BMP6: variants seen among roughly 807,000 people sequenced by gnomAD.
BMP6 encodes VG-1-R.
In BMP6, 17 loss-of-function variants were observed where a neutral mutation model predicts 54.1. The observed-to-expected ratio is 0.31, with a 90% CI of 0.22 to 0.47. The LOEUF (loss-of-function observed/expected upper bound fraction) is 0.47. Among genes scored for constraint, BMP6 ranks in the 20% least tolerant of loss-of-function variants. The pLI is 1.00. For synonymous variants in BMP6, 328 were observed against 291.2 expected, an observed-to-expected ratio of 1.13 and a Z score of -1.28; for missense variants, 720 against 690.4, an observed-to-expected ratio of 1.04 and a Z score of -0.48.
At chr6:7,819,734 T>C (rs950021312) in intron 1 of BMP6, among the ~76,000 whole-genome samples, 4 of 152,220 alleles carry the variant, frequency 2.6e-5, no homozygotes, top group Non-Finnish European at 5.9e-5. Flanking sequence ...GTGAAGATGG[T>C]CTTTAAATCC....
intron 1 of BMP6, among the ~76,000 whole-genome samples, chr6:7,824,016 T>C (rs946086848): frequency 6.6e-6 from 1 of 152,078 alleles, no homozygotes; most frequent in African/African-American, 2.4e-5. Flanking sequence ...AGGGGCAAAG[T>C]AGAACGAAAA....
At chr6:7,800,879 T>C (rs6923462) in intron 1 of BMP6, among the ~76,000 whole-genome samples, 28,032 of 147,534 alleles carry the variant, frequency 0.19, 3,075 homozygotes, top group African/African-American at 0.3. Context: ...AGGGTTAGGT[T>C]TTCAGGCTGT....
chr6:7,805,231 C>T (rs75155902), intron 1 of BMP6, among the ~76,000 whole-genome samples: 2,245 of 152,284 alleles, frequency 0.015, 56 homozygotes, highest in African/African-American at 0.05. Context: ...GGTTGCTCAT[C>T]TTTCATCTTT....
intron 1 of BMP6, among the ~76,000 whole-genome samples, chr6:7,766,462 TA>T (rs1757689779): frequency 1.3e-5 from 2 of 151,872 alleles, no homozygotes; most frequent in South Asian, 4.2e-4. Flanking sequence ...AAAATGTTTT[TA>T]AAAAATTAAC....
chr6:7,740,874 A>T (rs1393436266), intron 1 of BMP6, among the ~76,000 whole-genome samples: 1 of 152,056 alleles, frequency 6.6e-6, no homozygotes, highest in Non-Finnish European at 1.5e-5. Context: ...GTTGGCCTTG[A>T]CTTTTGCACT....
chr6:7,739,267 G>A (rs750531069), intron 1 of BMP6, among the ~76,000 whole-genome samples: 2 of 152,186 alleles, frequency 1.3e-5, no homozygotes, highest in Non-Finnish European at 2.9e-5. Context: ...CTGTGTTTCT[G>A]TTTTAAATTT....
intron 1 of BMP6, among the ~76,000 whole-genome samples, chr6:7,804,299 ACT>A (rs1758314560): frequency 1.3e-5 from 2 of 149,844 alleles, no homozygotes; most frequent in African/African-American, 4.9e-5. Flanking sequence ...TTTTTTTTAA[ACT>A]CTCACTTAAA....
intron 1 of BMP6, among the ~76,000 whole-genome samples, chr6:7,830,149 C>T (rs115049083): frequency 0.021 from 3,245 of 152,118 alleles, 49 homozygotes; most frequent in Middle Eastern, 0.075. Flanking sequence ...AAGAGCACCC[C>T]CCCTCTCTCT....
rs554181861 is a variant in BMP6 at position 7,881,397 on chromosome 6, TTAAA to T, written c.*1058_*1061del. The T allele has an allele frequency of 1.8e-3, 268 of 152,778 alleles. 1 individual carries two copies. The highest frequency in any genetic ancestry group is 7.3e-3 in the East Asian group (38 of 5,194). 9.5% of individuals were successfully genotyped at this position (152,778 alleles called of 1,614,324 possible). ...GGAAGGCAATTTCATACTAAACTGA[TTAAA>T]TAATACATTTATAATCTACAACTGT... On this transcript the variant is annotated 3_prime_UTR_variant, in exon 7 of 7. Coordinates refer to ENST00000283147, the MANE Select transcript of BMP6 (RefSeq NM_001718.6).
chr6:7,739,775 A>G (rs778670443), intron 1 of BMP6, among the ~76,000 whole-genome samples: 13 of 152,112 alleles, frequency 8.5e-5, no homozygotes, highest in Non-Finnish European at 1.5e-4. Context: ...ATCTGCTGAA[A>G]GTGTTTCGTT....
At chr6:7,804,689 A>G (rs1758321821) in intron 1 of BMP6, among the ~76,000 whole-genome samples, 1 of 152,188 alleles carries the variant, frequency 6.6e-6, no homozygotes, top group Non-Finnish European at 1.5e-5. Flanking sequence ...GCTGGGTTTG[A>G]AGAATACACA....
intron 1 of BMP6, among the ~76,000 whole-genome samples, chr6:7,784,530 C>T (rs1757995341): frequency 6.6e-6 from 1 of 152,098 alleles, no homozygotes. Flanking sequence ...TAAAGCTTCT[C>T]TGTGCCAGGA....
chr6:7,828,424 A>G (rs1395045249), intron 1 of BMP6, among the ~76,000 whole-genome samples: 2 of 152,196 alleles, frequency 1.3e-5, no homozygotes, highest in African/African-American at 2.4e-5. Context: ...GTATTTTTCC[A>G]TTCTCTTGTT....
Position 7,862,489 on chromosome 6 carries a change from A to C in BMP6, c.1195A>C (p.Ser399Arg). ...GTCCCAGGACGTGGCGCGGGTCTCC[A>C]GTGCTTCAGGTGGGTTTGTGGGGAG... ...TQSQDVARVSSASDYNSSELK... is the reference protein window; with the variant it reads ...TQSQDVARVSRASDYNSSELK... The change falls in exon 4 of 7, where the codon AGT becomes CGT. Residue 399 changes from serine (S) to arginine (R), a missense_variant. Ser to Arg is a moderately radical substitution (Grantham distance 110). Around this residue, in one of 3 missense-constraint regions of BMP6, gnomAD observed 650 missense variants for 556.3 expected, o/e 1.17. Transcript: ENST00000283147. The C allele has an allele frequency of 6.2e-7, 1 of 1,613,992 alleles. No individual in the cohort carries two copies. The highest frequency in any genetic ancestry group is 1.3e-5 in the African/African-American group (1 of 75,050).
At chr6:7,864,880 T>C (rs758212715) in intron 4 of BMP6, among the ~76,000 whole-genome samples, 1 of 152,142 alleles carries the variant, frequency 6.6e-6, no homozygotes, top group Non-Finnish European at 1.5e-5. Context: ...ATAATCTCAG[T>C]GTTTTCCTTC....
chr6:7,842,749 A>G (rs546988113), intron 1 of BMP6, among the ~76,000 whole-genome samples: 13 of 152,362 alleles, frequency 8.5e-5, no homozygotes, highest in African/African-American at 3.1e-4. Flanking sequence ...ACCAGCTACC[A>G]CATTTCTCCT....
chr6:7,867,483 A>G (rs897950793), intron 4 of BMP6, among the ~76,000 whole-genome samples: 2 of 152,212 alleles, frequency 1.3e-5, no homozygotes, highest in African/African-American at 2.4e-5. Context: ...TGTCCTCACT[A>G]CTTCACCATT....
chr6:7,832,105 C>A (rs1203940989), intron 1 of BMP6, among the ~76,000 whole-genome samples: 1 of 151,912 alleles, frequency 6.6e-6, no homozygotes, highest in African/African-American at 2.4e-5. Context: ...CTTCATGGGA[C>A]CTTATAGAGG....
At chr6:7,813,140 TATATATATAA>T (rs1164040980) in intron 1 of BMP6, among the ~76,000 whole-genome samples, 1 of 91,628 alleles carries the variant, frequency 1.1e-5, no homozygotes, top group African/African-American at 4.4e-5. Context: ...TATATATATA[TATATATATAA>T]AATTAGTGGG....
Sources: gnomAD v4.1 joint callset for allele counts (sites outside exome capture counted in the v4.1 genomes callset) on GRCh38, gnomAD v4.1.1 for gene constraint, gnomAD v4.1.1 regional missense constraint, MANE v1.5 for transcripts, NCBI Gene and HGNC (gene_info 2026-07-23, HGNC 2026-07-21) for gene names.